Variants in ZNF506 observed in about 807,000 individuals in gnomAD.
ZNF506 encodes the protein zinc finger protein 506.
In ZNF506, 10 loss-of-function variants were observed where a neutral mutation model predicts 11.6. The observed-to-expected ratio is 0.86, with a 90% CI of 0.53 to 1.46. The LOEUF is 1.46. ZNF506 is among the 40% of genes most tolerant of loss of function. The pLI, the probability that ZNF506 is intolerant of heterozygous loss-of-function variation, is 0.00. For missense variants in ZNF506, 425 were observed against 521.2 expected (o/e 0.82, Z 1.80); for synonymous variants, 156 against 173.3 (o/e 0.90, Z 0.78).
chr19:19,815,710 C>T lies in ZNF506; in HGVS notation c.3+5891G>A, dbSNP rs78554983. Among the ~76,000 whole-genome samples the T allele has an allele frequency of 4.2e-4, 64 of 152,326 alleles. No individual in the cohort carries two copies. The East Asian group carries it at 6.0e-3, about 14-fold the overall frequency. On this transcript the variant is annotated intron_variant, in intron 1 of 3. Transcript: ENST00000540806. ...TAGACCCTGATTCAGGGCTCAGTCC[C>T]GCAACATTGTCCTCATGGCAGATGC...
chr19:19,814,791 A>G (rs2062915928), intron 1 of ZNF506, among the ~76,000 whole-genome samples: 2 of 152,058 alleles, frequency 1.3e-5, no homozygotes, highest in Non-Finnish European at 2.9e-5. Context: ...GTGGGGCTGT[A>G]CTCTATTTAT....
intron 1 of ZNF506, among the ~76,000 whole-genome samples, 154 bp from the exon 2 acceptor site, chr19:19,807,222 A>G (rs933776433): frequency 2.6e-5 from 4 of 152,240 alleles, no homozygotes; most frequent in African/African-American, 9.6e-5. Context: ...AATATTCTCT[A>G]ATGTATTCTC....
intron 1 of ZNF506, among the ~76,000 whole-genome samples, chr19:19,808,999 G>C (rs1439473210): frequency 6.6e-6 from 1 of 152,052 alleles, no homozygotes; most frequent in African/African-American, 2.4e-5. Flanking sequence ...AACTTTCTGG[G>C]TAATAAATGC....
chr19:19,814,012 A>T (rs1293141030), intron 1 of ZNF506, among the ~76,000 whole-genome samples: 1 of 152,148 alleles, frequency 6.6e-6, no homozygotes, highest in Non-Finnish European at 1.5e-5. Flanking sequence ...AGATTTAGTA[A>T]AAACAAAATA....
chr19:19,813,723 C>A (rs1241438574), intron 1 of ZNF506, among the ~76,000 whole-genome samples: 1 of 152,196 alleles, frequency 6.6e-6, no homozygotes. Context: ...GTAATCCCAG[C>A]ACTTTGGGAG....
intron 1 of ZNF506, among the ~76,000 whole-genome samples, chr19:19,813,232 C>T (rs2062896986): frequency 6.6e-6 from 1 of 152,074 alleles, no homozygotes; most frequent in African/African-American, 2.4e-5. Context: ...AAGTAATAAA[C>T]ATGTCAGACT....
chr19:19,797,884 T>TA (rs2062756651), intron 3 of ZNF506: 1 of 152,228 alleles, frequency 6.6e-6, no homozygotes, highest in Admixed American at 6.5e-5. Context: ...CAAGTGGGAA[T>TA]AGTACCATCA....
At chr19:19,812,711 A>G (rs1243659102) in intron 1 of ZNF506, among the ~76,000 whole-genome samples, 1 of 152,238 alleles carries the variant, frequency 6.6e-6, no homozygotes, top group Non-Finnish European at 1.5e-5. Context: ...GGTAGGATCA[A>G]CTTGGCTCTG....
In ZNF506 at chr19:19,821,676, G is replaced by A. The variant is rs995424045; in HGVS notation, c.-73C>T. 6.3e-7 allele frequency: 1 copy of A among 1,588,818 alleles called. No individual in the cohort carries two copies. Among genetic ancestry groups the A allele is most frequent in the African/African-American group, 1.3e-5 (1 of 74,474 alleles). On this transcript the variant is annotated 5_prime_UTR_variant, in exon 1 of 4. Coordinates refer to ENST00000540806, the MANE Select transcript of ZNF506 (RefSeq NM_001099269.3). Reference sequence around the variant, plus strand: ...TACCTGCAGGTCACAGGGCCACAGAGGCTGGGCCTCTAGGAGCTGACGGCA... The same window carrying A: ...TACCTGCAGGTCACAGGGCCACAGAAGCTGGGCCTCTAGGAGCTGACGGCA...
At chr19:19,817,419 T>G (rs2145208215) in intron 1 of ZNF506, among the ~76,000 whole-genome samples, 2 of 133,722 alleles carry the variant, frequency 1.5e-5, no homozygotes, top group Middle Eastern at 7.1e-3. Flanking sequence ...TTAGAATTTT[T>G]TTTACGTAAA....
At chr19:19,811,564 T>G (rs911191623) in intron 1 of ZNF506, among the ~76,000 whole-genome samples, 2 of 152,116 alleles carry the variant, frequency 1.3e-5, no homozygotes, top group African/African-American at 2.4e-5. Flanking sequence ...AGCACTTTGG[T>G]AGGCCGAGGT....
Position 19,795,204 on chromosome 19 carries a change from G to A in ZNF506, c.683C>T (p.Pro228Leu), listed in dbSNP as rs2062729945. The change falls in exon 4 of 4, where the codon CCC (proline) becomes CTC (leucine). Residue 228 changes from proline to leucine, a missense_variant. Coordinates refer to ENST00000540806, the MANE Select transcript of ZNF506 (RefSeq NM_001099269.3). ...TTTGCCACATTCTTCACATTTGTAGGGTTTCTCTCCAGTATGAATTTTCTT... is the reference window on the plus strand; with the variant it reads ...TTTGCCACATTCTTCACATTTGTAGAGTTTCTCTCCAGTATGAATTTTCTT... ...THKKIHTGEK[P>L]YKCEECGKAY... 2.5e-6 allele frequency: 4 copies of A among 1,613,774 alleles called. No individual in the cohort carries two copies. Among genetic ancestry groups the A allele is most frequent in the Non-Finnish European group, 3.4e-6 (4 of 1,179,950 alleles).
At chr19:19,803,330 A>G (rs1282810611) in intron 3 of ZNF506, among the ~76,000 whole-genome samples, 1 of 152,236 alleles carries the variant, frequency 6.6e-6, no homozygotes, top group Non-Finnish European at 1.5e-5. Flanking sequence ...TCCCTGGAAC[A>G]GTTCAATGAC....
At chr19:19,814,551 G>A (rs562234015) in intron 1 of ZNF506, among the ~76,000 whole-genome samples, 184 of 152,160 alleles carry the variant, frequency 1.2e-3, no homozygotes, top group Middle Eastern at 3.4e-3. Flanking sequence ...GAGGGTGGAG[G>A]ATGGAAGGAC....
At chr19:19,818,052 T>G (rs1266386454) in intron 1 of ZNF506, among the ~76,000 whole-genome samples, 1 of 151,958 alleles carries the variant, frequency 6.6e-6, no homozygotes, top group African/African-American at 2.4e-5. Flanking sequence ...GGTCTTGAAC[T>G]CCTGACCTCA....
At chr19:19,798,947 AATG>A (rs1177189058) in intron 3 of ZNF506, 2 of 152,252 alleles carry the variant, frequency 1.3e-5, no homozygotes, top group African/African-American at 4.8e-5. Context: ...GCTGAGATCT[AATG>A]ATAAGAAAAG....
chr19:19,806,397 C>A (rs1270438897), intron 2 of ZNF506: 1 of 203,870 alleles, frequency 4.9e-6, no homozygotes, highest in Admixed American at 5.6e-5. Flanking sequence ...GCTGGGATTA[C>A]AGGCATGTGC....
In ZNF506 at chr19:19,793,372, T is replaced by C. The variant is rs2062710153; in HGVS notation, c.*1180A>G. 6.6e-6 allele frequency among the ~76,000 whole-genome samples: 1 copy of C among 152,124 alleles called. No individual in the cohort carries two copies. The highest frequency in any genetic ancestry group is 1.5e-5 in the Non-Finnish European group (1 of 68,008). On this transcript the variant is annotated 3_prime_UTR_variant, in exon 4 of 4. Transcript: ENST00000540806. ...AAAATATACTTTAGTATAAACTCTC[T>C]GATGTTTTCTAAGCTATAGATTTTG...
chr19:19,821,699 GCA>G lies in ZNF506; in HGVS notation c.-98_-97del. On this transcript the variant is annotated 5_prime_UTR_variant, in exon 1 of 4. Coordinates refer to ENST00000540806, the MANE Select transcript of ZNF506 (RefSeq NM_001099269.3). ...GAGGCTGGGCCTCTAGGAGCTGACG[GCA>G]CAGAGCAGTGAAGACGATAGCTGGA... The G allele has an allele frequency of 1.4e-6, 2 of 1,475,918 alleles. No individual in the cohort carries two copies. The highest frequency in any genetic ancestry group is 1.9e-6 in the Non-Finnish European group (2 of 1,055,696). 91.4% of individuals were successfully genotyped at this position (1,475,918 alleles called of 1,614,324 possible).
Sources: gnomAD v4.1 joint callset for allele counts (sites outside exome capture counted in the v4.1 genomes callset) on GRCh38, gnomAD v4.1.1 for gene constraint, MANE v1.5 for transcripts, NCBI Gene and HGNC (gene_info 2026-07-23, HGNC 2026-07-21) for gene names.